The following MEGF11 variants were observed in gnomAD, a reference collection of about 807,000 sequenced individuals.
MEGF11 encodes multiple epidermal growth factor-like domains protein 11.
MEGF11 carries 126 observed loss-of-function variants against 146.6 expected under a neutral mutation model. That is an observed-to-expected ratio of 0.86 (90% CI 0.74 to 1.00). The LOEUF is 1.00. MEGF11 is among the 50% of genes least tolerant of loss of function. The pLI, the probability that MEGF11 is intolerant of heterozygous loss-of-function variation, is 0.00. For synonymous variants in MEGF11, 532 were observed against 583.4 expected (o/e 0.91, Z 1.27); for missense variants, 1,509 against 1,521.2 (o/e 0.99, Z 0.13).
intron 1 of MEGF11, among the ~76,000 whole-genome samples, chr15:66,238,204 G>A (rs1262184278): frequency 6.6e-6 from 1 of 152,182 alleles, no homozygotes; most frequent in African/African-American, 2.4e-5. Context: ...AGTTTTCTGG[G>A]TGGGAAACCC....
chr15:65,965,619 T>TCTTTCTTTCTTTCTTTTC lies in MEGF11; in HGVS notation c.900-500_900-499insGAAAAGAAAGAAAGAAAG, dbSNP rs2081059626. Among the ~76,000 whole-genome samples, 146 of 119,828 alleles carry TCTTTCTTTCTTTCTTTTC rather than the reference T, an allele frequency of 1.2e-3. 8 individuals carry two copies. Among genetic ancestry groups the TCTTTCTTTCTTTCTTTTC allele is most frequent in the Non-Finnish European group, 2.1e-3 (109 of 52,544 alleles). 78.6% of individuals were successfully genotyped at this position (119,828 alleles called of 152,430 possible). On this transcript the variant is annotated intron_variant, in intron 8 of 25. Transcript: ENST00000395614. ...TTCTTTCTTTTTTTTTTTTCTTTTT[T>TCTTTCTTTCTTTCTTTTC]TTTTTTTTGGCTCTTCTATTCTTTT...
At chr15:66,085,194 C>T (rs2086056656) in intron 5 of MEGF11, among the ~76,000 whole-genome samples, 1 of 152,142 alleles carries the variant, frequency 6.6e-6, no homozygotes, top group African/African-American at 2.4e-5. Flanking sequence ...AGAGTCTGAG[C>T]TCAGACATGC....
At chr15:65,981,105 A>G (rs2081623334) in intron 6 of MEGF11, among the ~76,000 whole-genome samples, 1 of 152,136 alleles carries the variant, frequency 6.6e-6, no homozygotes, top group Non-Finnish European at 1.5e-5. Flanking sequence ...TTGGGCCAAT[A>G]CTTGTGGGAT....
chr15:66,110,624 T>C (rs2087345252), intron 4 of MEGF11, among the ~76,000 whole-genome samples: 1 of 152,174 alleles, frequency 6.6e-6, no homozygotes, highest in Admixed American at 6.5e-5. Flanking sequence ...TAATAAATGG[T>C]GATGGATGGA....
At chr15:66,219,562 C>A (rs894645428) in intron 1 of MEGF11, among the ~76,000 whole-genome samples, 1 of 152,168 alleles carries the variant, frequency 6.6e-6, no homozygotes, top group African/African-American at 2.4e-5. Flanking sequence ...CCACCACACC[C>A]AATGCTGGCA....
intron 5 of MEGF11, among the ~76,000 whole-genome samples, chr15:66,083,690 C>A (rs1005964841): frequency 6.6e-6 from 1 of 151,382 alleles, no homozygotes; most frequent in South Asian, 2.1e-4. Flanking sequence ...GAGGTGGGGG[C>A]ATTGCTTGAG....
chr15:66,082,964 G>C (rs755224498), intron 5 of MEGF11, among the ~76,000 whole-genome samples: 5 of 152,276 alleles, frequency 3.3e-5, no homozygotes, highest in East Asian at 3.9e-4. Context: ...TCCCAGGCCA[G>C]GGGCAGGGAC....
At chr15:66,054,531 T>C (rs1408272348) in intron 5 of MEGF11, among the ~76,000 whole-genome samples, 1 of 152,226 alleles carries the variant, frequency 6.6e-6, no homozygotes, top group African/African-American at 2.4e-5. Context: ...TCTAACTCGG[T>C]CTTTAAAAAT....
At chr15:66,187,280 C>T (rs1406281742) in intron 1 of MEGF11, among the ~76,000 whole-genome samples, 1 of 152,208 alleles carries the variant, frequency 6.6e-6, no homozygotes, top group Non-Finnish European at 1.5e-5. Context: ...TTCACTGATG[C>T]CAGCTCCTTT....
At chr15:65,940,252 G>A (rs1030680219) in intron 10 of MEGF11, among the ~76,000 whole-genome samples, 1 of 152,182 alleles carries the variant, frequency 6.6e-6, no homozygotes, top group African/African-American at 2.4e-5. Flanking sequence ...TGCTTTTGGT[G>A]TCCAATGCCG....
intron 5 of MEGF11, among the ~76,000 whole-genome samples, chr15:66,035,090 G>C (rs963651925): frequency 6.6e-6 from 1 of 152,140 alleles, no homozygotes; most frequent in African/African-American, 2.4e-5. Flanking sequence ...GTGGCATTCT[G>C]TTATAGCAAC....
chr15:66,115,246 A>G (rs1426301011), intron 4 of MEGF11, among the ~76,000 whole-genome samples: 1 of 152,182 alleles, frequency 6.6e-6, no homozygotes, highest in Admixed American at 6.5e-5. Flanking sequence ...CTGGCCTCTG[A>G]GCGATCTGGA....
chr15:66,027,395 C>A (rs1223948824), intron 5 of MEGF11, among the ~76,000 whole-genome samples: 3 of 152,320 alleles, frequency 2.0e-5, no homozygotes, highest in African/African-American at 7.2e-5. Flanking sequence ...CTGGCAGTCA[C>A]CATCCCTCAC....
chr15:65,980,749 C>G, intron 7 of MEGF11, 29 bp downstream of exon 7: 1 of 1,568,566 alleles, frequency 6.4e-7, no homozygotes, highest in African/African-American at 1.4e-5. Flanking sequence ...CCCTCCAGTG[C>G]CCCACCCAGA....
At chr15:66,186,655 A>G (rs2090712821) in intron 1 of MEGF11, among the ~76,000 whole-genome samples, 1 of 152,188 alleles carries the variant, frequency 6.6e-6, no homozygotes, top group South Asian at 2.1e-4. Context: ...CAGCTAAGTC[A>G]ATCACCCCTG....
intron 1 of MEGF11, among the ~76,000 whole-genome samples, chr15:66,250,649 G>A (rs951045740): frequency 2.6e-5 from 4 of 152,232 alleles, no homozygotes; most frequent in Non-Finnish European, 5.9e-5. Flanking sequence ...GGCTCAGCCT[G>A]TAATCCCAGC....
chr15:66,074,274 T>C (rs533743593), intron 5 of MEGF11, among the ~76,000 whole-genome samples: 53 of 152,378 alleles, frequency 3.5e-4, no homozygotes, highest in African/African-American at 1.2e-3. Flanking sequence ...ATATGGTTTG[T>C]ATGAAGCCCT....
Position 66,181,399 on chromosome 15 carries a change from T to A in MEGF11, c.-8-52988A>T, listed in dbSNP as rs184893981. Among the ~76,000 whole-genome samples the A allele has an allele frequency of 1.2e-4, 19 of 152,258 alleles. No individual in the cohort carries two copies. The East Asian group carries it at 2.1e-3, about 17-fold the overall frequency. On this transcript the variant is annotated intron_variant, in intron 1 of 25. Coordinates refer to ENST00000395614, the MANE Select transcript of MEGF11 (RefSeq NM_001385028.1). ...TTTGGAGGTTCACAGAACAGTAAGA[T>A]TTATGCACACTTGAATGCACACACG...
Position 65,922,806 on chromosome 15 carries a change from C to T in MEGF11, c.1822+17G>A, listed in dbSNP as rs370999705. 3.1e-6 allele frequency: 5 copies of T among 1,613,292 alleles called. No homozygotes were observed. Among genetic ancestry groups the T allele is most frequent in the Non-Finnish European group, 4.2e-6 (5 of 1,179,614 alleles). On this transcript the variant is annotated intron_variant, in intron 14 of 25. Transcript: ENST00000395614. ...ATTAGCCCTCTGAGCTCTTCGGGGT[C>T]AGGGGATTAGCCTTACTTCTCTGGC...
Sources: allele counts gnomAD v4.1 joint callset (sites outside exome capture counted in the v4.1 genomes callset), GRCh38; gene constraint gnomAD v4.1.1; transcripts MANE v1.5; gene names NCBI Gene and HGNC (gene_info 2026-07-23, HGNC 2026-07-21).